The following SSBP2 variants were observed in gnomAD, a reference collection of about 807,000 sequenced individuals.
SSBP2 encodes the protein single stranded DNA binding protein 2.
Under a neutral mutation model 61.8 loss-of-function variants are expected in SSBP2, and 17 were observed. That is an observed-to-expected ratio of 0.28 (90% CI 0.19 to 0.41). The LOEUF is 0.41. SSBP2 is among the 10% of genes least tolerant of loss of function. The pLI is 1.00. For synonymous variants in SSBP2, 139 were observed against 141.3 expected (o/e 0.98, Z 0.12); for missense variants, 310 against 458.7 (o/e 0.68, Z 2.96).
chr5:81,465,904 T>C (rs758009156), intron 9 of SSBP2, among the ~76,000 whole-genome samples: 3 of 152,026 alleles, frequency 2.0e-5, no homozygotes, highest in Non-Finnish European at 2.9e-5. Context: ...TCCTGCTCTG[T>C]TAGTTTTAAG....
chr5:81,622,783 T>C (rs2153631697), intron 3 of SSBP2, among the ~76,000 whole-genome samples: 1 of 152,326 alleles, frequency 6.6e-6, no homozygotes, highest in African/African-American at 2.4e-5. Context: ...GATCTCTCTC[T>C]CTCTTCTCAG....
At chr5:81,525,643 A>T (rs1311125101) in intron 4 of SSBP2, among the ~76,000 whole-genome samples, 1 of 151,926 alleles carries the variant, frequency 6.6e-6, no homozygotes, top group East Asian at 1.9e-4. Context: ...TTTTATTGCC[A>T]TCTACTCCTG....
At chr5:81,501,481 T>C (rs1373716031) in intron 5 of SSBP2, among the ~76,000 whole-genome samples, 1 of 150,126 alleles carries the variant, frequency 6.7e-6, no homozygotes, top group Non-Finnish European at 1.5e-5. Context: ...ACTTTACTCT[T>C]TTTTGATAAG....
chr5:81,502,733 G>A (rs1767890570), intron 5 of SSBP2, among the ~76,000 whole-genome samples: 1 of 152,112 alleles, frequency 6.6e-6, no homozygotes, highest in African/African-American at 2.4e-5. Flanking sequence ...AAAAGCCTTG[G>A]ATTCATCCTT....
intron 4 of SSBP2, among the ~76,000 whole-genome samples, chr5:81,576,049 A>G (rs1405759520): frequency 1.3e-5 from 2 of 152,176 alleles, no homozygotes; most frequent in Non-Finnish European, 2.9e-5. Flanking sequence ...AAGAAGAGAT[A>G]ACTGGGGTCC....
At chr5:81,749,349 T>A (rs1757562126) in intron 1 of SSBP2, among the ~76,000 whole-genome samples, 1 of 152,230 alleles carries the variant, frequency 6.6e-6, no homozygotes, top group African/African-American at 2.4e-5. Context: ...GCCTGATACC[T>A]CTAAATCCTA....
At chr5:81,660,033 G>C (rs1401571312) in intron 1 of SSBP2, among the ~76,000 whole-genome samples, 1 of 152,072 alleles carries the variant, frequency 6.6e-6, no homozygotes, top group African/African-American at 2.4e-5. Flanking sequence ...ATGAATTAAA[G>C]ACTTAAATGT....
chr5:81,567,560 T>A (rs1411688311), intron 4 of SSBP2, among the ~76,000 whole-genome samples: 3 of 152,094 alleles, frequency 2.0e-5, no homozygotes, highest in Admixed American at 6.6e-5. Flanking sequence ...GGGGTCAGAT[T>A]CCCCCAGACA....
chr5:81,475,075 C>T (rs6877102), intron 6 of SSBP2, among the ~76,000 whole-genome samples: 16 of 151,972 alleles, frequency 1.1e-4, no homozygotes, highest in South Asian at 6.2e-4. Flanking sequence ...AAGCAATTTG[C>T]GTGTACGGAA....
chr5:81,549,193 C>T (rs554352986), intron 4 of SSBP2, among the ~76,000 whole-genome samples: 1 of 152,238 alleles, frequency 6.6e-6, no homozygotes, highest in South Asian at 2.1e-4. Context: ...TCAATCACTA[C>T]CACACCTTAA....
intron 14 of SSBP2, among the ~76,000 whole-genome samples, chr5:81,439,809 C>T (rs539160453): frequency 6.6e-6 from 1 of 151,548 alleles, no homozygotes; most frequent in African/African-American, 2.4e-5. Context: ...GTAGCTGGGA[C>T]TACAGGCACC....
intron 10 of SSBP2, among the ~76,000 whole-genome samples, chr5:81,459,179 C>T (rs916463193): frequency 2.0e-5 from 3 of 152,108 alleles, no homozygotes; most frequent in Admixed American, 6.6e-5. Flanking sequence ...TGTGTTATAG[C>T]GTATTCTCCT....
intron 1 of SSBP2, among the ~76,000 whole-genome samples, chr5:81,696,590 T>C (rs1305787782): frequency 2.0e-5 from 3 of 152,298 alleles, no homozygotes; most frequent in South Asian, 2.1e-4. Flanking sequence ...TGAAAGACAA[T>C]GGGAAACCAC....
rs145802821 is a variant in SSBP2 at position 81,476,559 on chromosome 5, C to T, written c.433-1997G>A. Among the ~76,000 whole-genome samples the T allele has an allele frequency of 2.6e-3, 401 of 152,256 alleles. 3 individuals are homozygous for T. The highest frequency in any genetic ancestry group is 0.014 in the Middle Eastern group (4 of 294). On this transcript the variant is annotated intron_variant, in intron 6 of 16. Coordinates refer to ENST00000320672, the MANE Select transcript of SSBP2 (RefSeq NM_012446.5). ...GGAATACCAGAGAAATGATGCTATGCCTTTCTCAGTGTATCACATTAGAGG... is the reference window on the plus strand; with the variant it reads ...GGAATACCAGAGAAATGATGCTATGTCTTTCTCAGTGTATCACATTAGAGG...
chr5:81,536,202 T>A (rs1459574240), intron 4 of SSBP2, among the ~76,000 whole-genome samples: 1 of 152,162 alleles, frequency 6.6e-6, no homozygotes, highest in Non-Finnish European at 1.5e-5. Context: ...CATATTAGAA[T>A]GGCCAATATG....
At chr5:81,498,342 T>C (rs1005146052) in intron 5 of SSBP2, among the ~76,000 whole-genome samples, 4 of 152,078 alleles carry the variant, frequency 2.6e-5, no homozygotes, top group African/African-American at 9.7e-5. Context: ...ATTAACTACG[T>C]ATATACCAAA....
intron 1 of SSBP2, among the ~76,000 whole-genome samples, chr5:81,680,310 A>G (rs2153812211): frequency 6.7e-6 from 1 of 148,200 alleles, no homozygotes; most frequent in African/African-American, 2.4e-5. Flanking sequence ...TATATATAAT[A>G]TATAATTATG....
chr5:81,713,248 G>A (rs6860990), intron 1 of SSBP2, among the ~76,000 whole-genome samples: 26,431 of 151,850 alleles, frequency 0.17, 2,533 homozygotes, highest in East Asian at 0.38. Flanking sequence ...TTTACAAACA[G>A]GAGGATTAAA....
chr5:81,551,379 A>C (rs1409770704), intron 4 of SSBP2, among the ~76,000 whole-genome samples: 1 of 152,152 alleles, frequency 6.6e-6, no homozygotes, highest in Non-Finnish European at 1.5e-5. Context: ...TTCCTAATTA[A>C]TGGTATTTCA....
Sources: allele counts gnomAD v4.1 joint callset (sites outside exome capture counted in the v4.1 genomes callset), GRCh38; gene constraint gnomAD v4.1.1; transcripts MANE v1.5; gene names NCBI Gene and HGNC (gene_info 2026-07-23, HGNC 2026-07-21).